COL14A1: variants seen among roughly 807,000 people sequenced by gnomAD.
The protein encoded by COL14A1 is collagen type XIV alpha 1 chain, also known as collagen alpha-1(XIV) chain.
A neutral mutation model predicts 230.3 loss-of-function variants in COL14A1; 136 were observed. The ratio of observed to expected loss-of-function variants is 0.59; its 90% CI spans 0.51 to 0.68. The LOEUF (loss-of-function observed/expected upper bound fraction) is 0.68. Ranked by LOEUF, COL14A1 falls within the 30% of genes least tolerant of loss-of-function variation. The pLI is 0.00. For synonymous variants in COL14A1, 792 were observed against 784.1 expected (o/e 1.01, Z -0.17); for missense variants, 1,976 against 2,215.8 (o/e 0.89, Z 2.17).
intron 40 of COL14A1, among the ~76,000 whole-genome samples, chr8:120,328,609 G>A (rs1309567423): frequency 6.6e-6 from 1 of 152,108 alleles, no homozygotes; most frequent in Non-Finnish European, 1.5e-5. Context: ...GGAGCAACAT[G>A]TCATCCTTCC....
intron 3 of COL14A1, among the ~76,000 whole-genome samples, chr8:120,160,176 A>AT (rs1299279909): frequency 1.3e-5 from 2 of 152,120 alleles, no homozygotes; most frequent in Non-Finnish European, 2.9e-5. Context: ...AATTTCTTTG[A>AT]TTTTTAAAAA....
intron 39 of COL14A1, 52 bp downstream of exon 39, chr8:120,315,638 G>A: frequency 1.4e-6 from 2 of 1,458,462 alleles, no homozygotes; most frequent in Middle Eastern, 1.8e-4. Flanking sequence ...ACTTTGCCAA[G>A]GGGGAAAAAA....
intron 34 of COL14A1, among the ~76,000 whole-genome samples, chr8:120,292,155 A>G (rs946854952): frequency 6.6e-6 from 1 of 152,114 alleles, no homozygotes; most frequent in African/African-American, 2.4e-5. Context: ...TTGTATTTTA[A>G]CGTATACTGT....
intron 40 of COL14A1, among the ~76,000 whole-genome samples, chr8:120,319,457 G>C (rs930188801): frequency 6.6e-6 from 1 of 152,020 alleles, no homozygotes; most frequent in Admixed American, 6.6e-5. Context: ...TTACAAGCAC[G>C]AGCCACAACA....
In COL14A1 at chr8:120,371,194, A is replaced by G; in HGVS notation, c.5354A>G (p.Glu1785Gly). The G allele has an allele frequency of 6.2e-7, 1 of 1,611,572 alleles. No homozygotes were observed. The highest frequency in any genetic ancestry group is 8.5e-7 in the Non-Finnish European group (1 of 1,178,882). ...CCAGAGTTCACCCCTGTCCAAGATGAGCTGGAAGCCATGGAACTGTGGGGC... is the reference window on the plus strand; with the variant it reads ...CCAGAGTTCACCCCTGTCCAAGATGGGCTGGAAGCCATGGAACTGTGGGGC... ...DQPEFTPVQD[E>G]LEAMELWGPG... Residue 1785 changes from glutamate to glycine, a missense_variant, in exon 48 of 48, where the codon GAG (glutamate) becomes GGG (glycine). This residue lies in a region of COL14A1 where 1,791 missense variants were observed against 2,019.5 expected (regional missense o/e 0.89). Transcript: ENST00000297848.
chr8:120,250,752 G>C lies in COL14A1; in HGVS notation c.2738G>C (p.Gly913Ala), dbSNP rs775888383. ...TCAGGCTTCAGCGACGCCCTGACAG[G>C]CATGGTGAAAACATGTAAGAGCCAT... ...QASGFSDALT[G>A]MVKTLFLGVT... The change falls in exon 22 of 48, where the codon GGC becomes GCC. Residue 913 changes from glycine to alanine, a missense_variant. By Grantham distance (60) the Gly-to-Ala change is moderately conservative. Around this residue, in one of 3 missense-constraint regions of COL14A1, gnomAD observed 1,791 missense variants for 2,019.5 expected, o/e 0.89. Coordinates refer to ENST00000297848, the MANE Select transcript of COL14A1 (RefSeq NM_021110.4). 8.7e-6 allele frequency: 14 copies of C among 1,614,084 alleles called. No homozygotes were observed. Among genetic ancestry groups the C allele is most frequent in the East Asian group, 2.2e-5 (1 of 44,872 alleles).
intron 45 of COL14A1, among the ~76,000 whole-genome samples, chr8:120,366,906 G>A (rs2130388683): frequency 6.6e-6 from 1 of 152,322 alleles, no homozygotes; most frequent in East Asian, 1.9e-4. Context: ...CAGGCTGTGT[G>A]ACTTCAGTAG....
At position 120,203,791 on chromosome 8, in the gene COL14A1, C is replaced by T. The variant is rs267601749; in HGVS notation, c.960C>T (p.Phe320=). The change falls in exon 9 of 48, where the codon TTC becomes TTT. Residue 320 remains phenylalanine, a synonymous_variant. Coordinates refer to ENST00000297848, the MANE Select transcript of COL14A1 (RefSeq NM_021110.4). ...CTCATGTGTACAATGTTGCCGAATT[C>T]GATCTGATGCACACAGTTGTGGAGA... is the stretch of plus-strand genomic sequence containing the variant. The part of the protein sequence containing the change: ...DSTHVYNVAE[F]DLMHTVVESL... The T allele has an allele frequency of 1.9e-6, 3 of 1,613,772 alleles. No homozygotes were observed. Among genetic ancestry groups the T allele is most frequent in the Non-Finnish European group, 2.5e-6 (3 of 1,179,910 alleles).
chr8:120,332,035 C>T (rs1821886518), intron 40 of COL14A1, 106 bp from the exon 41 acceptor site: 2 of 923,562 alleles, frequency 2.2e-6, no homozygotes, highest in Non-Finnish European at 3.5e-6. Flanking sequence ...TAGTCCAGAG[C>T]AAGCAGCAGG....
chr8:120,160,191 G>T (rs1388337968), intron 3 of COL14A1, among the ~76,000 whole-genome samples: 1 of 151,870 alleles, frequency 6.6e-6, no homozygotes, highest in African/African-American at 2.4e-5. Flanking sequence ...TAAAAATATA[G>T]CTTATTTTTT....
At chr8:120,168,313 A>T in intron 5 of COL14A1, 66 bp downstream of exon 5, 1 of 1,148,880 alleles carries the variant, frequency 8.7e-7, no homozygotes, top group Non-Finnish European at 1.3e-6. Flanking sequence ...GGCAATACTC[A>T]CATGTGGGGT....
At chr8:120,286,162 C>G (rs2129936115) in intron 33 of COL14A1, among the ~76,000 whole-genome samples, 192 bp downstream of exon 33, 1 of 147,214 alleles carries the variant, frequency 6.8e-6, no homozygotes, top group African/African-American at 2.5e-5. Context: ...CTGAAATGTG[C>G]ATTTTTTTTT....
At chr8:120,354,503 T>G (rs1222740324) in intron 45 of COL14A1, among the ~76,000 whole-genome samples, 15 of 151,948 alleles carry the variant, frequency 9.9e-5, no homozygotes. Flanking sequence ...AGAAGAAAAA[T>G]TATGGATTTT....
At chr8:120,245,109 GTT>G (rs1056266717) in intron 20 of COL14A1, among the ~76,000 whole-genome samples, 5 of 152,162 alleles carry the variant, frequency 3.3e-5, no homozygotes, top group Non-Finnish European at 5.9e-5. Flanking sequence ...GCATGTAAGA[GTT>G]TTTCTGGTCA....
chr8:120,300,182 T>C (rs1005432287), intron 35 of COL14A1, among the ~76,000 whole-genome samples: 2 of 152,160 alleles, frequency 1.3e-5, no homozygotes, highest in African/African-American at 2.4e-5. Flanking sequence ...GAGCCTCAGA[T>C]CTACACTGTG....
intron 5 of COL14A1, among the ~76,000 whole-genome samples, chr8:120,191,620 G>C (rs1368719923): frequency 3.3e-5 from 5 of 151,962 alleles, no homozygotes; most frequent in Admixed American, 3.3e-4. Flanking sequence ...CTGTCTCGTT[G>C]ATCTGTCTAA....
intron 28 of COL14A1, among the ~76,000 whole-genome samples, chr8:120,279,274 C>T (rs542443306): frequency 6.6e-6 from 1 of 151,896 alleles, no homozygotes; most frequent in Non-Finnish European, 1.5e-5. Context: ...ATGTAAAAAA[C>T]CTGCATCTTC....
In COL14A1 at chr8:120,212,577, T is replaced by C; in HGVS notation, c.1597T>C (p.Leu533=). ...SDPVTGQETT[L]ALSPPRNLRI... is the part of the protein sequence containing the mutation. ...TCCTGTTACGGGACAAGAAACAACA[T>C]GTGAGCAGCACAGCCATTCAGTTGG... The change falls in exon 13 of 48, where the codon TTG becomes CTG. Residue 533 remains leucine, a splice_region_variant and synonymous_variant. Coordinates refer to ENST00000297848, the MANE Select transcript of COL14A1 (RefSeq NM_021110.4). 1 of 1,613,160 alleles carries C rather than the reference T, an allele frequency of 6.2e-7. No homozygotes were observed. The highest frequency in any genetic ancestry group is 2.2e-5 in the East Asian group (1 of 44,842).
intron 44 of COL14A1, among the ~76,000 whole-genome samples, chr8:120,344,371 G>A (rs1232266478): frequency 6.6e-6 from 1 of 152,194 alleles, no homozygotes; most frequent in Non-Finnish European, 1.5e-5. Context: ...GTTCACAGTT[G>A]ATCAGAATTA....
Sources: allele counts gnomAD v4.1 joint callset (sites outside exome capture counted in the v4.1 genomes callset), GRCh38; gene constraint gnomAD v4.1.1; regional missense constraint gnomAD v4.1.1; transcripts MANE v1.5; gene names NCBI Gene and HGNC (gene_info 2026-07-23, HGNC 2026-07-21).